Variants in CBFB observed in about 807,000 individuals in gnomAD.
CBFB encodes the protein core-binding factor subunit beta, also known as CBF-beta.
Under a neutral mutation model 30.4 loss-of-function variants are expected in CBFB, and 9 were observed. The observed-to-expected ratio is 0.30, with a 90% CI of 0.18 to 0.52. CBFB has a LOEUF of 0.52. Among genes scored for constraint, CBFB ranks in the 20% least tolerant of loss-of-function variants. The pLI is 0.97. For synonymous variants in CBFB, 94 were observed against 84.0 expected (o/e 1.12, Z -0.65); for missense variants, 170 against 244.0 (o/e 0.70, Z 2.02).
intron 5 of CBFB, among the ~76,000 whole-genome samples, chr16:67,084,699 T>G (rs1273821229): frequency 9.9e-5 from 15 of 152,226 alleles, no homozygotes. Context: ...GAAGAAAATT[T>G]GTGGTTTTTT....
At chr16:67,075,235 A>G (rs1961359483) in intron 4 of CBFB, among the ~76,000 whole-genome samples, 1 of 114,158 alleles carries the variant, frequency 8.8e-6, no homozygotes, top group African/African-American at 2.8e-5. Flanking sequence ...GTGTGTGTGT[A>G]AAGAACTCTT....
At chr16:67,032,091 C>T (rs1246563927) in intron 2 of CBFB, among the ~76,000 whole-genome samples, 1 of 152,120 alleles carries the variant, frequency 6.6e-6, no homozygotes, top group Non-Finnish European at 1.5e-5. Context: ...TCAGACTTTG[C>T]TGAATGGAAT....
At chr16:67,069,596 G>A (rs547760946) in intron 4 of CBFB, among the ~76,000 whole-genome samples, 2 of 152,172 alleles carry the variant, frequency 1.3e-5, no homozygotes, top group Non-Finnish European at 2.9e-5. Context: ...TCTCACGTTT[G>A]ATGAAAAATA....
chr16:67,081,837 T>C (rs567573895), intron 4 of CBFB, among the ~76,000 whole-genome samples: 8 of 151,780 alleles, frequency 5.3e-5, no homozygotes, highest in African/African-American at 1.2e-4. Flanking sequence ...TTTTTTCTTT[T>C]TTTTTCTTTT....
At chr16:67,077,399 C>T (rs1397981118) in intron 4 of CBFB, among the ~76,000 whole-genome samples, 1 of 152,146 alleles carries the variant, frequency 6.6e-6, no homozygotes, top group Non-Finnish European at 1.5e-5. Context: ...AACAGCTTTA[C>T]TTTTTACATA....
At chr16:67,087,720 GT>G (rs1246810243) in intron 5 of CBFB, among the ~76,000 whole-genome samples, 1 of 152,146 alleles carries the variant, frequency 6.6e-6, no homozygotes, top group Admixed American at 6.6e-5. Context: ...GTTTCTACTT[GT>G]TTTTTTGTCA....
chr16:67,060,665 C>T (rs1251974936), intron 3 of CBFB, among the ~76,000 whole-genome samples: 1 of 152,288 alleles, frequency 6.6e-6, no homozygotes, highest in South Asian at 2.1e-4. Flanking sequence ...AAACGATTCT[C>T]CTGCCTCAGC....
rs1962141368 is a variant in CBFB at position 67,098,998 on chromosome 16, G to C, written c.*220G>C. On this transcript the variant is annotated 3_prime_UTR_variant, in exon 6 of 6. Transcript: ENST00000412916. The stretch of plus-strand genomic sequence containing the variant: ...TTAAGCATGTAGCCAGTAATAATTT[G>C]AAGTTTTTTTTCTATGCAAGCTTAC... The C allele has an allele frequency of 2.4e-6, 1 of 416,018 alleles. No individual in the cohort carries two copies. Among genetic ancestry groups the C allele is most frequent in the African/African-American group, 2.1e-5 (1 of 48,688 alleles). 25.8% of individuals were successfully genotyped at this position (416,018 alleles called of 1,614,324 possible).
At chr16:67,084,337 C>T (rs1961657216) in intron 5 of CBFB, among the ~76,000 whole-genome samples, 1 of 152,030 alleles carries the variant, frequency 6.6e-6, no homozygotes, top group South Asian at 2.1e-4. Context: ...AGCACACATT[C>T]ATCTTTGATA....
At chr16:67,067,975 G>A (rs1389502043) in intron 4 of CBFB, among the ~76,000 whole-genome samples, 1 of 152,228 alleles carries the variant, frequency 6.6e-6, no homozygotes, top group Non-Finnish European at 1.5e-5. Context: ...AGAGAACACA[G>A]AAGGTCCTTG....
intron 3 of CBFB, among the ~76,000 whole-genome samples, chr16:67,050,028 CT>C (rs1319607311): frequency 3.3e-5 from 5 of 151,884 alleles, no homozygotes; most frequent in African/African-American, 9.7e-5. Context: ...TAAGTCTGTT[CT>C]TTGCATACTA....
intron 3 of CBFB, among the ~76,000 whole-genome samples, chr16:67,041,581 A>G (rs1325678710): frequency 1.3e-5 from 2 of 152,042 alleles, no homozygotes; most frequent in African/African-American, 4.8e-5. Context: ...CAGCCTGGGC[A>G]ACAAGAGTGA....
intron 5 of CBFB, among the ~76,000 whole-genome samples, chr16:67,083,404 TC>T (rs1218846987): frequency 1.3e-5 from 2 of 151,862 alleles, no homozygotes; most frequent in Non-Finnish European, 2.9e-5. Context: ...CAAGTGATTC[TC>T]CTGCCTCAGC....
chr16:67,082,725 C>T (rs1961601920), intron 5 of CBFB, among the ~76,000 whole-genome samples: 1 of 151,980 alleles, frequency 6.6e-6, no homozygotes. Flanking sequence ...GGTTTTATAA[C>T]TATAATTGTC....
chr16:67,048,438 A>G (rs1191013402), intron 3 of CBFB, among the ~76,000 whole-genome samples: 1 of 152,242 alleles, frequency 6.6e-6, no homozygotes, highest in African/African-American at 2.4e-5. Context: ...CAGTGAGACT[A>G]TACTCACTTT....
intron 3 of CBFB, among the ~76,000 whole-genome samples, chr16:67,047,082 C>A (rs1966639776): frequency 6.6e-6 from 1 of 151,440 alleles, no homozygotes. Context: ...GAGGCCAAGG[C>A]AGGCAGATCA....
intron 2 of CBFB, chr16:67,030,046 C>G (rs973270818): frequency 1.8e-5 from 8 of 447,968 alleles, no homozygotes; most frequent in Non-Finnish European, 3.1e-5. Context: ...CGGAGCACCG[C>G]GAGTGGAGCT....
intron 5 of CBFB, among the ~76,000 whole-genome samples, chr16:67,083,754 T>C (rs978517384): frequency 5.3e-5 from 8 of 152,200 alleles, no homozygotes; most frequent in African/African-American, 1.4e-4. Context: ...TGTCTTTTAA[T>C]TGACAATGGA....
intron 3 of CBFB, among the ~76,000 whole-genome samples, chr16:67,060,880 G>A (rs187062800): frequency 2.6e-5 from 4 of 152,254 alleles, no homozygotes; most frequent in African/African-American, 9.6e-5. Context: ...CATATAATAC[G>A]TAACCTTTTT....
Sources: allele counts gnomAD v4.1 joint callset (sites outside exome capture counted in the v4.1 genomes callset), GRCh38; gene constraint gnomAD v4.1.1; transcripts MANE v1.5; gene names NCBI Gene and HGNC (gene_info 2026-07-23, HGNC 2026-07-21).